CABCOCO1: variants seen among roughly 807,000 people sequenced by gnomAD.
The protein encoded by CABCOCO1 is ciliary-associated calcium-binding coiled-coil protein 1.
In CABCOCO1, 28 loss-of-function variants were observed where a neutral mutation model predicts 35.7. The ratio of observed to expected loss-of-function variants is 0.78; its 90% CI spans 0.58 to 1.07. The LOEUF is 1.07. Among genes scored for constraint, CABCOCO1 ranks in the 50% least tolerant of loss-of-function variants. The pLI, the probability that CABCOCO1 is intolerant of heterozygous loss-of-function variation, is 0.00. For synonymous variants in CABCOCO1, 95 were observed against 100.1 expected, an observed-to-expected ratio of 0.95 and a Z score of 0.30; for missense variants, 326 against 309.2, an observed-to-expected ratio of 1.05 and a Z score of -0.41.
chr10:61,746,921 A>G (rs1841675119), intron 5 of CABCOCO1, among the ~76,000 whole-genome samples: 1 of 152,164 alleles, frequency 6.6e-6, no homozygotes, highest in Non-Finnish European at 1.5e-5. Flanking sequence ...TTTATTTTGC[A>G]ATTCTCACAC....
In CABCOCO1 at chr10:61,677,549, T is replaced by C. The variant is rs577203566; in HGVS notation, c.165-3594T>C. On this transcript the variant is annotated intron_variant, in intron 2 of 7. Coordinates refer to ENST00000648843, the MANE Select transcript of CABCOCO1 (RefSeq NM_001366906.2). ...GTCTGCAGCTTGTCTTTTCTTTTTC[T>C]TTTTTTTTATTATACTTTAAGTTTT... 2.7e-5 allele frequency among the ~76,000 whole-genome samples: 4 copies of C among 146,724 alleles called. No homozygotes were observed. In the East Asian group the frequency reaches 6.4e-4, roughly 23 times the overall value.
intron 5 of CABCOCO1, among the ~76,000 whole-genome samples, chr10:61,734,961 C>T (rs1219391950): frequency 1.3e-5 from 2 of 152,006 alleles, no homozygotes; most frequent in African/African-American, 4.8e-5. Context: ...TAAAAGTAAC[C>T]TTAAAATGTT....
At chr10:61,680,669 A>ATT (rs1157735137) in intron 2 of CABCOCO1, among the ~76,000 whole-genome samples, 2 of 73,562 alleles carry the variant, frequency 2.7e-5, no homozygotes, top group African/African-American at 4.1e-5. Flanking sequence ...ATACATGTAT[A>ATT]ACATATATGT....
chr10:61,761,556 T>C (rs930351642), intron 7 of CABCOCO1, among the ~76,000 whole-genome samples: 2 of 152,094 alleles, frequency 1.3e-5, no homozygotes, highest in Non-Finnish European at 2.9e-5. Context: ...GCTTAATTCT[T>C]TCTCATCTCA....
At chr10:61,711,025 C>T (rs1014262920) in intron 5 of CABCOCO1, among the ~76,000 whole-genome samples, 1 of 151,700 alleles carries the variant, frequency 6.6e-6, no homozygotes, top group African/African-American at 2.4e-5. Context: ...TACAAAAGTA[C>T]TCAATACAAA....
chr10:61,723,068 C>A (rs1016226636), intron 5 of CABCOCO1, among the ~76,000 whole-genome samples: 15 of 152,184 alleles, frequency 9.9e-5, no homozygotes, highest in Admixed American at 3.3e-4. Flanking sequence ...CAATTCACTT[C>A]TGAATATTGG....
At chr10:61,690,929 T>C (rs1228489330) in intron 5 of CABCOCO1, among the ~76,000 whole-genome samples, 1 of 152,090 alleles carries the variant, frequency 6.6e-6, no homozygotes, top group Non-Finnish European at 1.5e-5. Context: ...AAACAACTAG[T>C]AATTTGCAAA....
chr10:61,679,013 T>G (rs1381794108), intron 2 of CABCOCO1, among the ~76,000 whole-genome samples: 2 of 152,202 alleles, frequency 1.3e-5, no homozygotes, highest in Non-Finnish European at 2.9e-5. Flanking sequence ...TTTATTAATC[T>G]GATTATATCA....
chr10:61,704,228 T>A (rs756853857), intron 5 of CABCOCO1, among the ~76,000 whole-genome samples: 54 of 151,726 alleles, frequency 3.6e-4, no homozygotes, highest in Non-Finnish European at 6.0e-4. Context: ...TGTCTAAAAA[T>A]ATATATATAT....
At chr10:61,724,261 C>A (rs1159722536) in intron 5 of CABCOCO1, among the ~76,000 whole-genome samples, 2 of 152,100 alleles carry the variant, frequency 1.3e-5, no homozygotes, top group Non-Finnish European at 2.9e-5. Context: ...TGATGCCAAT[C>A]AAAACCCTAA....
At chr10:61,735,162 C>G (rs1841388521) in intron 5 of CABCOCO1, among the ~76,000 whole-genome samples, 1 of 151,902 alleles carries the variant, frequency 6.6e-6, no homozygotes, top group African/African-American at 2.4e-5. Flanking sequence ...TCCCTCAAAA[C>G]AATCCAGGAT....
chr10:61,743,324 A>G (rs886361495), intron 5 of CABCOCO1, among the ~76,000 whole-genome samples: 1 of 152,192 alleles, frequency 6.6e-6, no homozygotes, highest in Admixed American at 6.5e-5. Context: ...AAAGACAAAC[A>G]TATACTTACT....
intron 5 of CABCOCO1, among the ~76,000 whole-genome samples, chr10:61,716,838 A>C (rs17196251): frequency 0.4 from 60,855 of 151,796 alleles, 14,268 homozygotes; most frequent in Middle Eastern, 0.54. Context: ...ATTGTAATAA[A>C]ATCCAAACTT....
In CABCOCO1 at chr10:61,757,706, C is replaced by CAG. The variant is rs529750499; in HGVS notation, c.553-2352_553-2351insGA. The stretch of plus-strand genomic sequence containing the variant: ...CAGTACACACACACACACAGACACA[C>CAG]ACACACACACACACACACAGTGCCA... On this transcript the variant is annotated intron_variant, in intron 5 of 7. Transcript: ENST00000648843. Among the ~76,000 whole-genome samples, 792 of 151,222 alleles carry CAG rather than the reference C, an allele frequency of 5.2e-3. 4 individuals are homozygous for CAG. The highest frequency in any genetic ancestry group is 0.01 in the Middle Eastern group (3 of 294).
At chr10:61,710,602 A>G (rs1039841499) in intron 5 of CABCOCO1, among the ~76,000 whole-genome samples, 3 of 151,940 alleles carry the variant, frequency 2.0e-5, no homozygotes, top group Admixed American at 2.0e-4. Context: ...ACTATCTTGT[A>G]AAAAACCATG....
chr10:61,692,934 T>C (rs923470482), intron 5 of CABCOCO1, among the ~76,000 whole-genome samples: 4 of 152,114 alleles, frequency 2.6e-5, no homozygotes, highest in African/African-American at 9.7e-5. Context: ...GGGAAAATGA[T>C]AGTGGCTTCA....
intron 2 of CABCOCO1, among the ~76,000 whole-genome samples, chr10:61,674,354 TTAGACTG>T (rs1195347368): frequency 4.6e-5 from 7 of 152,286 alleles, no homozygotes; most frequent in Non-Finnish European, 7.4e-5. Context: ...GTTGACCTTT[TTAGACTG>T]TCTCATTAAT....
chr10:61,757,684 T>C (rs996785035), intron 5 of CABCOCO1, among the ~76,000 whole-genome samples: 1 of 105,224 alleles, frequency 9.5e-6, no homozygotes, highest in Non-Finnish European at 1.9e-5. Context: ...GTGTGCCCAG[T>C]ACACACACAC....
At position 61,761,054 on chromosome 10, in the gene CABCOCO1, C is replaced by G. The variant is rs535837508; in HGVS notation, c.816+51C>G. ...CTTACTTTATTACTGGTTAATTAGC[C>G]AACCTTAACTTTAATGTCTATAAAC... is the stretch of plus-strand genomic sequence containing the variant. On this transcript the variant is annotated intron_variant, in intron 7 of 7. Coordinates refer to ENST00000648843, the MANE Select transcript of CABCOCO1 (RefSeq NM_001366906.2). The G allele has an allele frequency of 3.7e-5, 59 of 1,580,962 alleles. No individual in the cohort carries two copies. In the Admixed American group the frequency reaches 1.0e-3, roughly 27 times the overall value.
Sources: gnomAD v4.1 joint callset for allele counts (sites outside exome capture counted in the v4.1 genomes callset) on GRCh38, gnomAD v4.1.1 for gene constraint, MANE v1.5 for transcripts, NCBI Gene and HGNC (gene_info 2026-07-23, HGNC 2026-07-21) for gene names.